The following RBBP5 variants were observed in gnomAD, a reference collection of about 807,000 sequenced individuals.
RBBP5 encodes the protein retinoblastoma-binding protein 5.
Under a neutral mutation model 72.2 loss-of-function variants are expected in RBBP5, and 5 were observed. That is an observed-to-expected ratio of 0.07 (90% CI 0.04 to 0.15). The LOEUF (loss-of-function observed/expected upper bound fraction) is 0.15. RBBP5 is among the 10% of genes least tolerant of loss of function. RBBP5 has a pLI of 1.00. For synonymous variants in RBBP5, 209 were observed against 237.2 expected (o/e 0.88, Z 1.09); for missense variants, 322 against 652.2 (o/e 0.49, Z 5.51).
chr1:205,095,516 G>T (rs1181685411), intron 12 of RBBP5, among the ~76,000 whole-genome samples: 1 of 152,138 alleles, frequency 6.6e-6, no homozygotes, highest in Non-Finnish European at 1.5e-5. Context: ...CCAAGCCACA[G>T]TAACTCTAAA....
intron 2 of RBBP5, among the ~76,000 whole-genome samples, chr1:205,115,507 A>C (rs926936678): frequency 6.6e-6 from 1 of 152,224 alleles, no homozygotes; most frequent in African/African-American, 2.4e-5. Flanking sequence ...TAAAAAAGTA[A>C]AGCACATCTA....
chr1:205,097,184 G>T, intron 11 of RBBP5, 142 bp downstream of exon 11: 1 of 849,522 alleles, frequency 1.2e-6, no homozygotes, highest in Non-Finnish European at 1.8e-6. Context: ...GGCTACATTG[G>T]ATTTCTTGTA....
intron 12 of RBBP5, 59 bp downstream of exon 12, chr1:205,096,623 C>T (rs1284758512): frequency 5.3e-6 from 8 of 1,498,060 alleles, no homozygotes; most frequent in Non-Finnish European, 7.3e-6. Flanking sequence ...CCAGGTTGCG[C>T]TGGGGAGTGA....
intron 3 of RBBP5, among the ~76,000 whole-genome samples, chr1:205,114,289 T>C (rs555626006): frequency 1.3e-3 from 191 of 152,316 alleles, no homozygotes; most frequent in Non-Finnish European, 2.3e-3. Flanking sequence ...CTGAAGCAAA[T>C]AGTTTCAGAG....
At chr1:205,094,063 T>C (rs1301391558) in intron 13 of RBBP5, among the ~76,000 whole-genome samples, 1 of 152,242 alleles carries the variant, frequency 6.6e-6, no homozygotes, top group Admixed American at 6.5e-5. Flanking sequence ...TTGATTAACA[T>C]TTTCTAAACA....
At chr1:205,120,795 AGTCCACTT>A (rs1363947479) in intron 1 of RBBP5, among the ~76,000 whole-genome samples, 1 of 151,830 alleles carries the variant, frequency 6.6e-6, no homozygotes, top group Non-Finnish European at 1.5e-5. Context: ...AAAAAAAAAA[AGTCCACTT>A]AAAACTCCAA....
intron 3 of RBBP5, among the ~76,000 whole-genome samples, chr1:205,114,198 T>C (rs1238364545): frequency 6.6e-6 from 1 of 152,208 alleles, no homozygotes; most frequent in African/African-American, 2.4e-5. Context: ...CAAAAGGAGA[T>C]AGACTTAACC....
At chr1:205,092,471 G>A (rs1655388352) in intron 13 of RBBP5, among the ~76,000 whole-genome samples, 2 of 151,898 alleles carry the variant, frequency 1.3e-5, no homozygotes, top group South Asian at 4.1e-4. Context: ...GTTTGAGACA[G>A]GGTCTCACTC....
At chr1:205,115,485 T>C (rs1309000159) in intron 2 of RBBP5, among the ~76,000 whole-genome samples, 1 of 152,216 alleles carries the variant, frequency 6.6e-6, no homozygotes, top group Non-Finnish European at 1.5e-5. Context: ...TGTTATAAAA[T>C]AGTTTTACAA....
In RBBP5 at chr1:205,099,150, A is replaced by G; in HGVS notation, c.979-44T>C. 9.0e-7 allele frequency: 1 copy of G among 1,108,150 alleles called. No homozygotes were observed. The highest frequency in any genetic ancestry group is 1.3e-6 in the Non-Finnish European group (1 of 765,840). The allele number at this position is 1,108,150 out of a possible 1,614,324, so 68.6% of individuals were successfully genotyped here. On this transcript the variant is annotated intron_variant, in intron 9 of 13. Coordinates refer to ENST00000264515, the MANE Select transcript of RBBP5 (RefSeq NM_005057.4). This position sits in a 1 kb window ranked among gnomAD's most constrained non-coding sequence, Gnocchi z 4.7. ...TACTTAACCATATGTGAAAGCAATA[A>G]TCTGTAATCTACACATTAATGATAA...
At chr1:205,120,635 A>T (rs888765698) in intron 1 of RBBP5, among the ~76,000 whole-genome samples, 1 of 152,212 alleles carries the variant, frequency 6.6e-6, no homozygotes, top group Non-Finnish European at 1.5e-5. Context: ...TACAAAAATT[A>T]GCCAGGCATG....
In RBBP5 at chr1:205,099,169, A is replaced by T; in HGVS notation, c.979-63T>A. On this transcript the variant is annotated intron_variant, in intron 9 of 13. Coordinates refer to ENST00000264515, the MANE Select transcript of RBBP5 (RefSeq NM_005057.4). This position sits in a 1 kb window ranked among gnomAD's most constrained non-coding sequence, Gnocchi z 4.7. ...GCAATAATCTGTAATCTACACATTA[A>T]TGATAAAATGAAAGATGTGAGCATG... 4 of 956,738 alleles carry T rather than the reference A, an allele frequency of 4.2e-6. No homozygotes were observed. The highest frequency in any genetic ancestry group is 6.0e-6 in the Non-Finnish European group (4 of 662,780). 59.3% of individuals were successfully genotyped at this position (956,738 alleles called of 1,614,324 possible). A position where few individuals can be genotyped will look rare whatever the true frequency, so the allele number is the denominator to read the frequency against.
chr1:205,105,033 T>C lies in RBBP5; in HGVS notation c.354A>G (p.Arg118=). 2 of 1,614,038 alleles carry C rather than the reference T, an allele frequency of 1.2e-6. No homozygotes were observed. Among genetic ancestry groups the C allele is most frequent in the African/African-American group, 1.3e-5 (1 of 75,040 alleles). ...SPILKVQYHP[R]DQNKVLVCPM... ...GAGAAATAGCTTAAACATACTGATC[T>C]CGTGGATGATATTGGACTTTTAAGA... The change falls in exon 4 of 14, where the codon CGA becomes CGG. Residue 118 remains arginine (R), a synonymous_variant. Transcript: ENST00000264515.
intron 3 of RBBP5, among the ~76,000 whole-genome samples, chr1:205,108,013 G>A (rs982219840): frequency 6.0e-5 from 9 of 149,956 alleles, no homozygotes; most frequent in Non-Finnish European, 1.0e-4. Flanking sequence ...AGGAGGTCAA[G>A]GCGGGCGGAT....
Position 205,091,354 on chromosome 1 carries a change from A to G in RBBP5, c.1589-2539T>C, listed in dbSNP as rs939206924. ...TTAAAGTAACTAAGAAGCATTTGAT[A>G]GATAGCGCAGACTATGTTAGCCTGG... is the stretch of plus-strand genomic sequence containing the variant. On this transcript the variant is annotated intron_variant, in intron 13 of 13. Transcript: ENST00000264515. The G allele has an allele frequency of 3.3e-5, 5 of 152,388 alleles. No individual in the cohort carries two copies. In the East Asian group the frequency reaches 9.6e-4, roughly 29 times the overall value. The allele number at this position is 152,388 out of a possible 1,614,324, so 9.4% of individuals were successfully genotyped here.
intron 3 of RBBP5, among the ~76,000 whole-genome samples, chr1:205,106,513 G>A (rs10900448): frequency 0.38 from 57,507 of 151,980 alleles, 12,732 homozygotes; most frequent in East Asian, 0.91. Context: ...CAGGAGAATC[G>A]CTTGAACCTG....
Position 205,100,122 on chromosome 1 carries a change from T to C in RBBP5, c.752+30A>G, listed in dbSNP as rs79893318. On this transcript the variant is annotated intron_variant, in intron 7 of 13. Coordinates refer to ENST00000264515, the MANE Select transcript of RBBP5 (RefSeq NM_005057.4). Reference sequence around the variant, plus strand: ...GAACTCAAGCCCAGGTCATGAATGATCACATATTCTTCTAGGTTGTGATAC... The same window carrying C: ...GAACTCAAGCCCAGGTCATGAATGACCACATATTCTTCTAGGTTGTGATAC... 2.7e-3 allele frequency: 4,421 copies of C among 1,614,128 alleles called. 85 individuals carry two copies. The African/African-American group carries it at 0.043, about 16-fold the overall frequency.
intron 13 of RBBP5, among the ~76,000 whole-genome samples, chr1:205,090,712 A>C (rs1207427722): frequency 2.0e-5 from 3 of 152,324 alleles, no homozygotes; most frequent in Admixed American, 2.0e-4. Flanking sequence ...GGTACTTTCC[A>C]GTAGCAGCCC....
intron 1 of RBBP5, among the ~76,000 whole-genome samples, chr1:205,119,178 A>G (rs1165655597): frequency 6.6e-6 from 1 of 152,164 alleles, no homozygotes; most frequent in African/African-American, 2.4e-5. Flanking sequence ...AGATCACTTG[A>G]GGTCAGGAGT....
Sources: gnomAD v4.1 joint callset for allele counts (sites outside exome capture counted in the v4.1 genomes callset) on GRCh38, gnomAD v4.1.1 for gene constraint, Gnocchi (gnomAD v3.1) non-coding constraint, MANE v1.5 for transcripts, NCBI Gene and HGNC (gene_info 2026-07-23, HGNC 2026-07-21) for gene names.